The following MAX variants were observed in gnomAD, a reference collection of about 807,000 sequenced individuals.
The protein encoded by MAX is MYC associated transcriptional regulator X, also known as protein max.
MAX carries 3 observed loss-of-function variants against 22.3 expected under a neutral mutation model. The observed-to-expected ratio is 0.13, with a 90% CI of 0.06 to 0.35. The LOEUF (loss-of-function observed/expected upper bound fraction) is 0.35. Ranked by LOEUF, MAX falls within the 10% of genes least tolerant of loss-of-function variation. The pLI is 1.00. For missense variants in MAX, 119 were observed against 209.4 expected, an observed-to-expected ratio of 0.57 and a Z score of 2.66; for synonymous variants, 72 against 77.7, an observed-to-expected ratio of 0.93 and a Z score of 0.39.
chr14:65,055,233 A>G (rs1207461626), intron 3 of MAX, among the ~76,000 whole-genome samples: 1 of 152,204 alleles, frequency 6.6e-6, no homozygotes, highest in African/African-American at 2.4e-5. Context: ...CAATAGCCCT[A>G]TGAGGGCAGG....
chr14:65,075,047 T>A, downstream of MAX: 5 of 1,009,028 alleles, frequency 5.0e-6, no homozygotes, highest in Non-Finnish European at 5.9e-6. This position sits in a 1 kb window ranked among gnomAD's most constrained non-coding sequence, Gnocchi z 4.1. Context: ...CAGACTTACA[T>A]TGAGGCCCTA....
At chr14:65,065,640 T>G (rs757531256) in intron 3 of MAX, among the ~76,000 whole-genome samples, 1 of 152,206 alleles carries the variant, frequency 6.6e-6, no homozygotes, top group Non-Finnish European at 1.5e-5. Context: ...TACAGTATTA[T>G]GATCTCACGG....
intron 3 of MAX, chr14:65,083,943 A>G: frequency 7.4e-7 from 1 of 1,359,372 alleles, no homozygotes; most frequent in Non-Finnish European, 9.5e-7. Context: ...TTGGATCCAC[A>G]TTAAACTAGT....
intron 3 of MAX, chr14:65,061,655 AG>A: frequency 2.7e-4 from 58 of 217,490 alleles, no homozygotes; most frequent in South Asian, 8.2e-4. Context: ...CGGCATCCAG[AG>A]CCACTGCTGA....
At chr14:65,024,454 C>T in intron 3 of MAX, among the ~76,000 whole-genome samples, 1 of 152,162 alleles carries the variant, frequency 6.6e-6, no homozygotes, top group Non-Finnish European at 1.5e-5. Context: ...TCTTTTCCAC[C>T]TCAGCAGGAC....
At position 65,082,054 on chromosome 14, in the gene MAX, C is replaced by T. The variant is rs1380135936; in HGVS notation, c.172-4018G>A. ...TGAGTACTTACTAAGTGTCAGGCAT[C>T]CTCACACAACCTTCTGATGTTTTCC... On this transcript the variant is annotated intron_variant, in intron 3 of 4. Transcript: ENST00000358664. This position sits in a 1 kb window ranked among gnomAD's most constrained non-coding sequence, Gnocchi z 4.8. 6.6e-6 allele frequency: 1 copy of T among 152,110 alleles called. No individual in the cohort carries two copies. Among genetic ancestry groups the T allele is most frequent in the Non-Finnish European group, 1.5e-5 (1 of 68,020 alleles). 9.4% of individuals were successfully genotyped at this position (152,110 alleles called of 1,614,324 possible).
At chr14:65,018,215 C>G (rs1403764108) in intron 3 of MAX, among the ~76,000 whole-genome samples, 1 of 152,090 alleles carries the variant, frequency 6.6e-6, no homozygotes, top group African/African-American at 2.4e-5. Flanking sequence ...GTGGTGCACA[C>G]TTCTAGTTCT....
At chr14:65,091,890 C>T (rs920778234) in intron 3 of MAX, 8 of 152,134 alleles carry the variant, frequency 5.3e-5, no homozygotes, top group African/African-American at 1.4e-4. Flanking sequence ...TGCTGTACTC[C>T]CAGTATCTAG....
chr14:65,099,393 C>A (rs2063762696), intron 2 of MAX, among the ~76,000 whole-genome samples: 1 of 151,988 alleles, frequency 6.6e-6, no homozygotes, highest in Non-Finnish European at 1.5e-5. Flanking sequence ...CTAAAAACAT[C>A]TAGACAAAAC....
rs557643771 is a variant in MAX, at chr14:65,079,590, C to G, written c.172-1554G>C. On this transcript the variant is annotated intron_variant, in intron 3 of 4. Coordinates refer to ENST00000358664, the MANE Select transcript of MAX (RefSeq NM_002382.5). The surrounding 1 kb of genome is among the most constrained non-coding windows in gnomAD (Gnocchi z 4.5). ...AGTATGGCCTTCCAGCCAGAGACTCCTGAGCAGCCGGAAAGCTTCTTACTC... is the reference window on the plus strand; with the variant it reads ...AGTATGGCCTTCCAGCCAGAGACTCGTGAGCAGCCGGAAAGCTTCTTACTC... Among the ~76,000 whole-genome samples the G allele has an allele frequency of 5.9e-5, 9 of 152,322 alleles. No homozygotes were observed. In the East Asian group the frequency reaches 1.4e-3, roughly 23 times the overall value.
At position 65,084,586 on chromosome 14, in the gene MAX, C is replaced by A. The variant is rs1171110001; in HGVS notation, c.172-6550G>T. Among the ~76,000 whole-genome samples, 1 of 152,144 alleles carries A rather than the reference C, an allele frequency of 6.6e-6. No individual in the cohort carries two copies. Among genetic ancestry groups the A allele is most frequent in the East Asian group, 1.9e-4 (1 of 5,204 alleles). ...CGCACCCCTCAACCCAGAAATCCAACTTCTTGGAGTCTATGGAAATGGCTA... is the reference window on the plus strand; with the variant it reads ...CGCACCCCTCAACCCAGAAATCCAAATTCTTGGAGTCTATGGAAATGGCTA... On this transcript the variant is annotated intron_variant, in intron 3 of 4. Transcript: ENST00000358664. This position sits in a 1 kb window ranked among gnomAD's most constrained non-coding sequence, Gnocchi z 4.3.
chr14:65,020,376 A>G (rs2061861678), intron 3 of MAX, among the ~76,000 whole-genome samples: 1 of 151,574 alleles, frequency 6.6e-6, no homozygotes, highest in Non-Finnish European at 1.5e-5. Flanking sequence ...GCCTCCCAAA[A>G]CACTGGGATT....
chr14:65,011,899 A>T lies in MAX; in HGVS notation c.172-5615T>A, dbSNP rs936042482. Among the ~76,000 whole-genome samples the T allele has an allele frequency of 2.0e-5, 3 of 152,124 alleles. No individual in the cohort carries two copies. The highest frequency in any genetic ancestry group is 4.4e-5 in the Non-Finnish European group (3 of 68,010). ...CATCCCAGACGGGGTGACTGAAATG[A>T]CAGCGGCTGAGGCAGGGAAGTGGCG... On this transcript the variant is annotated intron_variant, in intron 3 of 3. Transcript: ENST00000341653. This position sits in a 1 kb window ranked among gnomAD's most constrained non-coding sequence, Gnocchi z 4.0.
chr14:65,048,979 A>T (rs1286217285), intron 3 of MAX, among the ~76,000 whole-genome samples: 2 of 152,042 alleles, frequency 1.3e-5, no homozygotes, highest in Non-Finnish European at 2.9e-5. Flanking sequence ...ACAAAAAATT[A>T]GCCAGGCATG....
chr14:65,068,446 C>CA (rs1235039164), intron 3 of MAX, among the ~76,000 whole-genome samples: 1 of 152,040 alleles, frequency 6.6e-6, no homozygotes, highest in Non-Finnish European at 1.5e-5. Context: ...AAACAACAAA[C>CA]AGAAGTGGGG....
In MAX at chr14:65,078,525, TTGTTGTTG is replaced by T. The variant is rs2063121177; in HGVS notation, c.172-497_172-490del. Among the ~76,000 whole-genome samples, 1 of 149,480 alleles carries T rather than the reference TTGTTGTTG, an allele frequency of 6.7e-6. No individual in the cohort carries two copies. The highest frequency in any genetic ancestry group is 1.5e-5 in the Non-Finnish European group (1 of 67,454). On this transcript the variant is annotated intron_variant, in intron 3 of 4. Coordinates refer to ENST00000358664, the MANE Select transcript of MAX (RefSeq NM_002382.5). The surrounding 1 kb of genome is among the most constrained non-coding windows in gnomAD (Gnocchi z 6.4). ...TGCGCCCAGCCTGTTGTTGTTGTTG[TTGTTGTTG>T]TTTTTTTTTTTTTGGAGACGTAGTC...
At chr14:65,099,460 A>T (rs1357582367) in intron 2 of MAX, among the ~76,000 whole-genome samples, 1 of 152,064 alleles carries the variant, frequency 6.6e-6, no homozygotes, top group East Asian at 1.9e-4. Context: ...TAACAAATTT[A>T]TATCAACGAT....
chr14:65,040,768 G>T (rs767024921), intron 3 of MAX: 16 of 1,608,752 alleles, frequency 9.9e-6, no homozygotes, highest in African/African-American at 2.7e-5. Context: ...CACTCATTCT[G>T]CTTTTCTCAA....
chr14:65,044,452 G>C lies in MAX; in HGVS notation c.172-38168C>G. Reference sequence around the variant, plus strand: ...CGCACTGCACGCCCAAGGTGAGCCTGGGGAGCTGTTCACTTGGGGCTGGAT... The same window carrying C: ...CGCACTGCACGCCCAAGGTGAGCCTCGGGAGCTGTTCACTTGGGGCTGGAT... On this transcript the variant is annotated intron_variant, in intron 3 of 3. Transcript: ENST00000341653. The surrounding 1 kb of genome is among the most constrained non-coding windows in gnomAD (Gnocchi z 5.5). 1 of 1,598,454 alleles carries C rather than the reference G, an allele frequency of 6.3e-7. No homozygotes were observed. The highest frequency in any genetic ancestry group is 8.5e-7 in the Non-Finnish European group (1 of 1,174,438).
Sources: gnomAD v4.1 joint callset for allele counts (sites outside exome capture counted in the v4.1 genomes callset) on GRCh38, gnomAD v4.1.1 for gene constraint, Gnocchi (gnomAD v3.1) non-coding constraint, MANE v1.5 for transcripts, NCBI Gene and HGNC (gene_info 2026-07-23, HGNC 2026-07-21) for gene names.